Variants in PCDHGB6 observed in about 807,000 individuals in gnomAD.
PCDHGB6 encodes the protein protocadherin gamma subfamily B, 6, also known as protocadherin gamma-B6.
PCDHGB6 carries 51 observed loss-of-function variants against 59.1 expected under a neutral mutation model. That is an observed-to-expected ratio of 0.86 (90% CI 0.69 to 1.09). The LOEUF (loss-of-function observed/expected upper bound fraction) is 1.09. Among genes scored for constraint, PCDHGB6 ranks in the 50% least tolerant of loss-of-function variants. The pLI is 0.00. For synonymous variants in PCDHGB6, 466 were observed against 495.1 expected (o/e 0.94, Z 0.78); for missense variants, 1,148 against 1,205.1 (o/e 0.95, Z 0.70).
In PCDHGB6 at chr5:141,408,438, C is replaced by T. The variant is rs749271632; in HGVS notation, c.236C>T (p.Ala79Val). Residue 79 changes from alanine to valine, a missense_variant, in exon 1 of 4, where the codon GCG becomes GTG. Physicochemically the swap from Ala to Val is moderately conservative, Grantham distance 64. Transcript: ENST00000520790. ...SAEKLHFSVD[A>V]ESGDLLVKNR... is the part of the protein sequence containing the mutation. ...GAGAAGCTGCACTTCAGCGTAGACG[C>T]GGAGAGCGGGGACTTACTTGTGAAG... 6.2e-7 allele frequency: 1 copy of T among 1,614,014 alleles called. No individual in the cohort carries two copies.
At position 141,490,460 on chromosome 5, in the gene PCDHGB6, TA is replaced by T. The variant is rs1393913480; in HGVS notation, c.2419-4345del. 1.2e-6 allele frequency: 2 copies of T among 1,614,094 alleles called. No individual in the cohort carries two copies. The highest frequency in any genetic ancestry group is 1.7e-6 in the Non-Finnish European group (2 of 1,180,048). On this transcript the variant is annotated intron_variant, in intron 1 of 3. Coordinates refer to ENST00000520790, the MANE Select transcript of PCDHGB6 (RefSeq NM_018926.3). The surrounding 1 kb of genome is among the most constrained non-coding windows in gnomAD (Gnocchi z 5.4). ...CCTTCTGAGAACCACTACTCGCTGC[TA>T]ACCAGCCAGCCTTTGGACCGGGAGG... is the stretch of plus-strand genomic sequence containing the variant.
chr5:141,469,036 G>T (rs1396748159), intron 1 of PCDHGB6, among the ~76,000 whole-genome samples: 2 of 152,076 alleles, frequency 1.3e-5, no homozygotes, highest in Non-Finnish European at 2.9e-5. Flanking sequence ...CAGCACTTTG[G>T]GAGGCCAAGG....
rs2095264686 is a variant in PCDHGB6, at chr5:141,409,428, C to T, written c.1226C>T (p.Ala409Val). 1 of 1,613,870 alleles carries T rather than the reference C, an allele frequency of 6.2e-7. No homozygotes were observed. The highest frequency in any genetic ancestry group is 1.7e-5 in the Admixed American group (1 of 60,004). The change falls in exon 1 of 4, where the codon GCC (alanine) becomes GTC (valine). Residue 409 changes from alanine (A) to valine (V), a missense_variant. By Grantham distance (64) the Ala-to-Val change is moderately conservative. This residue lies in a region of PCDHGB6 where 549 missense variants were observed against 527.5 expected (regional missense o/e 1.04). Coordinates refer to ENST00000520790, the MANE Select transcript of PCDHGB6 (RefSeq NM_018926.3). Reference sequence around the variant, plus strand: ...TACTACAAACTGGTGACAGATGGAGCCCTGGACCGAGAGCAGACACCAGAA... The same window carrying T: ...TACTACAAACTGGTGACAGATGGAGTCCTGGACCGAGAGCAGACACCAGAA... ...NNYYKLVTDG[A>V]LDREQTPEYN...
chr5:141,415,529 G>C, intron 1 of PCDHGB6: 1 of 1,614,184 alleles, frequency 6.2e-7, no homozygotes, highest in South Asian at 1.1e-5. Context: ...ACGCTCATCA[G>C]CCAGGAGAGC....
At chr5:141,453,288 A>T (rs931678565) in intron 1 of PCDHGB6, among the ~76,000 whole-genome samples, 18 of 151,342 alleles carry the variant, frequency 1.2e-4, no homozygotes, top group Admixed American at 3.3e-4. Context: ...TAATTTTTTA[A>T]TTATTTATTT....
intron 1 of PCDHGB6, among the ~76,000 whole-genome samples, chr5:141,484,760 A>G (rs1472178052): frequency 2.0e-5 from 3 of 151,880 alleles, no homozygotes; most frequent in South Asian, 2.1e-4. Flanking sequence ...GTATATATAT[A>G]TATATGTTGT....
In PCDHGB6 at chr5:141,491,908, G is replaced by T; in HGVS notation, c.2419-2899G>T. ...GGGGCTCCGAGCACCGGGGGTGGTG[G>T]CGACTGTGGGCGAGGGGAGGTGGGA... On this transcript the variant is annotated intron_variant, in intron 1 of 3. Transcript: ENST00000520790. The surrounding 1 kb of genome is among the most constrained non-coding windows in gnomAD (Gnocchi z 6.9). 7.1e-7 allele frequency: 1 copy of T among 1,408,288 alleles called. No homozygotes were observed. Among genetic ancestry groups the T allele is most frequent in the Non-Finnish European group, 9.4e-7 (1 of 1,060,836 alleles). The allele number at this position is 1,408,288 out of a possible 1,614,324, so 87.2% of individuals were successfully genotyped here. A position where few individuals can be genotyped will look rare whatever the true frequency, so the allele number is the denominator to read the frequency against.
chr5:141,419,894 C>G, intron 1 of PCDHGB6: 1 of 1,613,926 alleles, frequency 6.2e-7, no homozygotes, highest in Non-Finnish European at 8.5e-7. Flanking sequence ...CAGCGACCAT[C>G]CCACACCCTC....
intron 1 of PCDHGB6, chr5:141,411,158 A>T (rs1384845652): frequency 6.6e-6 from 1 of 152,212 alleles, no homozygotes; most frequent in Admixed American, 6.5e-5. Context: ...TCAAGTTCTG[A>T]CTATCGAACA....
Position 141,409,011 on chromosome 5 carries a change from A to T in PCDHGB6, c.809A>T (p.Asp270Val). The change falls in exon 1 of 4, where the codon GAT becomes GTT. Residue 270 changes from aspartate (D) to valine (V), a missense_variant. Coordinates refer to ENST00000520790, the MANE Select transcript of PCDHGB6 (RefSeq NM_018926.3). ...PVLQVTATDQ[D>V]EGVNAEINYY... Reference sequence around the variant, plus strand: ...TTGCAAGTGACAGCCACTGACCAGGATGAGGGGGTCAATGCTGAGATAAAC... The same window carrying T: ...TTGCAAGTGACAGCCACTGACCAGGTTGAGGGGGTCAATGCTGAGATAAAC... The T allele has an allele frequency of 6.2e-7, 1 of 1,613,974 alleles. No individual in the cohort carries two copies. The highest frequency in any genetic ancestry group is 8.5e-7 in the Non-Finnish European group (1 of 1,179,880).
chr5:141,510,834 G>T, intron 3 of PCDHGB6, 113 bp from the exon 4 acceptor site: 1 of 1,581,880 alleles, frequency 6.3e-7, no homozygotes. Flanking sequence ...AGTGCTCAGC[G>T]TGGTCAAGGC....
At chr5:141,428,112 A>G (rs2097111373) in intron 1 of PCDHGB6, 1 of 1,607,642 alleles carries the variant, frequency 6.2e-7, no homozygotes, top group Non-Finnish European at 8.5e-7. Context: ...GCTGCAGGCC[A>G]TCGAGCCCGG....
At chr5:141,436,467 A>G (rs2097825090) in intron 1 of PCDHGB6, among the ~76,000 whole-genome samples, 1 of 152,216 alleles carries the variant, frequency 6.6e-6, no homozygotes, top group South Asian at 2.1e-4. Flanking sequence ...GAATTTTCAG[A>G]TGTATCATAG....
rs199965876 is a variant in PCDHGB6, at chr5:141,419,464, C to G, written c.2418+8844C>G. ...CCTTCGAGCTCACGCTGCAGGCCCG[C>G]GACCAGGGCTCGCCCGCGCTCAGCG... On this transcript the variant is annotated intron_variant, in intron 1 of 3. Transcript: ENST00000520790. 4 of 1,612,542 alleles carry G rather than the reference C, an allele frequency of 2.5e-6. No homozygotes were observed. In the Admixed American group the frequency reaches 6.7e-5, roughly 27 times the overall value.
At chr5:141,415,176 C>G (rs773987499) in intron 1 of PCDHGB6, 17 of 1,613,816 alleles carry the variant, frequency 1.1e-5, no homozygotes, top group Non-Finnish European at 5.1e-6. Flanking sequence ...TCACCGTGGC[C>G]GTGGCCGACA....
intron 2 of PCDHGB6, among the ~76,000 whole-genome samples, chr5:141,503,963 C>T (rs900066192): frequency 7.2e-5 from 11 of 152,188 alleles, no homozygotes; most frequent in Admixed American, 6.5e-4. Flanking sequence ...ACAGCCTTTC[C>T]CATGGTGCCA....
rs748457785 is a variant in PCDHGB6 at position 141,489,197 on chromosome 5, A to G, written c.2419-5610A>G. On this transcript the variant is annotated intron_variant, in intron 1 of 3. Coordinates refer to ENST00000520790, the MANE Select transcript of PCDHGB6 (RefSeq NM_018926.3). This position sits in a 1 kb window ranked among gnomAD's most constrained non-coding sequence, Gnocchi z 4.5. ...TCCAAGCCCTGGGTCTACCTTGGAG[A>G]CAGGACAGCACAGACTTACTCTCCA... 7 of 1,391,050 alleles carry G rather than the reference A, an allele frequency of 5.0e-6. No individual in the cohort carries two copies. Among genetic ancestry groups the G allele is most frequent in the African/African-American group, 2.9e-5 (2 of 69,150 alleles). 86.2% of individuals were successfully genotyped at this position (1,391,050 alleles called of 1,614,324 possible).
intron 1 of PCDHGB6, chr5:141,426,874 C>T: frequency 2.2e-6 from 1 of 456,654 alleles, no homozygotes; most frequent in Non-Finnish European, 4.4e-6. Context: ...CTGGAGAAGC[C>T]CCTGGGCCAG....
chr5:141,499,689 C>CTTTTTTTT (rs545067566), intron 2 of PCDHGB6, among the ~76,000 whole-genome samples: 2 of 119,854 alleles, frequency 1.7e-5, no homozygotes, highest in Non-Finnish European at 1.7e-5. Context: ...TAACAGATGA[C>CTTTTTTTT]TTTTTTTTTT....
Sources: allele counts gnomAD v4.1 joint callset (sites outside exome capture counted in the v4.1 genomes callset), GRCh38; gene constraint gnomAD v4.1.1; regional missense constraint gnomAD v4.1.1; non-coding constraint Gnocchi (gnomAD v3.1); transcripts MANE v1.5; gene names NCBI Gene and HGNC (gene_info 2026-07-23, HGNC 2026-07-21).